Variants in KCNAB1 observed in about 807,000 individuals in gnomAD.
KCNAB1 encodes the protein potassium voltage-gated channel subfamily A regulatory beta subunit 1.
A neutral mutation model predicts 64.6 loss-of-function variants in KCNAB1; 35 were observed. The ratio of observed to expected loss-of-function variants is 0.54; its 90% CI spans 0.41 to 0.72. KCNAB1 has a LOEUF of 0.72. Ranked by LOEUF, KCNAB1 falls within the 30% of genes least tolerant of loss-of-function variation. The probability of loss-of-function intolerance (pLI) is 0.00; values close to 1 mark genes in which losing one functional copy is unlikely to be tolerated. For missense variants in KCNAB1, 401 were observed against 512.9 expected (o/e 0.78, Z 2.11); for synonymous variants, 177 against 183.8 (o/e 0.96, Z 0.30).
At chr3:156,301,081 A>G (rs1721124783) in intron 1 of KCNAB1, among the ~76,000 whole-genome samples, 2 of 152,226 alleles carry the variant, frequency 1.3e-5, no homozygotes, top group African/African-American at 4.8e-5. Context: ...ATTAGTTCAT[A>G]TCTACTGGAA....
chr3:156,267,954 T>G (rs1718816659), intron 1 of KCNAB1, among the ~76,000 whole-genome samples: 1 of 151,988 alleles, frequency 6.6e-6, no homozygotes, highest in Non-Finnish European at 1.5e-5. Flanking sequence ...GTCACCTGCT[T>G]TTGCTATAAA....
At chr3:156,172,778 A>G (rs1028400122) in intron 1 of KCNAB1, among the ~76,000 whole-genome samples, 2 of 152,212 alleles carry the variant, frequency 1.3e-5, no homozygotes, top group African/African-American at 2.4e-5. Context: ...TAGGTCCTGG[A>G]AAGTCCCAGG....
At position 156,225,884 on chromosome 3, in the gene KCNAB1, C is replaced by T. The variant is rs146861507; in HGVS notation, c.275+104998C>T. On this transcript the variant is annotated intron_variant, in intron 1 of 13. Transcript: ENST00000490337. ...TATACCTAACCAAGGACTTGAAAGA[C>T]GTCTACAAGGAAAATTACAAAACAC... is the stretch of plus-strand genomic sequence containing the variant. Among the ~76,000 whole-genome samples the T allele has an allele frequency of 2.2e-3, 329 of 152,166 alleles. 1 individual carries two copies. The highest frequency in any genetic ancestry group is 7.5e-3 in the African/African-American group (310 of 41,506).
At chr3:156,371,088 G>A (rs1224547254) in intron 1 of KCNAB1, among the ~76,000 whole-genome samples, 1 of 152,160 alleles carries the variant, frequency 6.6e-6, no homozygotes, top group Non-Finnish European at 1.5e-5. Flanking sequence ...GCCACTTCCA[G>A]ATTTTCCAGC....
intron 1 of KCNAB1, among the ~76,000 whole-genome samples, chr3:156,310,141 T>G (rs985095882): frequency 6.6e-6 from 1 of 152,170 alleles, no homozygotes; most frequent in Non-Finnish European, 1.5e-5. Flanking sequence ...GCAGTGGTCT[T>G]TCTCCCCTCA....
At chr3:156,521,056 G>T (rs189214402) in intron 11 of KCNAB1, among the ~76,000 whole-genome samples, 333 of 152,236 alleles carry the variant, frequency 2.2e-3, no homozygotes, top group Admixed American at 5.0e-3. Flanking sequence ...AAAGAAATAG[G>T]CTTTAGGAAA....
chr3:156,209,125 A>C (rs1028939407), intron 1 of KCNAB1, among the ~76,000 whole-genome samples: 6 of 152,200 alleles, frequency 3.9e-5, no homozygotes, highest in Non-Finnish European at 8.8e-5. Flanking sequence ...TCACATTTAG[A>C]GATGATGAGT....
At chr3:156,253,278 G>A (rs1400287867) in intron 1 of KCNAB1, among the ~76,000 whole-genome samples, 1 of 152,194 alleles carries the variant, frequency 6.6e-6, no homozygotes, top group Non-Finnish European at 1.5e-5. Flanking sequence ...GAAAATGGAA[G>A]TACTTCCTCT....
chr3:156,456,221 ATC>A (rs1442612669), intron 3 of KCNAB1: 2 of 152,206 alleles, frequency 1.3e-5, no homozygotes, highest in Non-Finnish European at 2.9e-5. Flanking sequence ...ATTGGGAAAC[ATC>A]TCTGTCATCA....
intron 1 of KCNAB1, among the ~76,000 whole-genome samples, chr3:156,165,783 G>T (rs1284584720): frequency 6.6e-6 from 1 of 152,048 alleles, no homozygotes; most frequent in Non-Finnish European, 1.5e-5. Flanking sequence ...AGCTCTCCTG[G>T]TTTTTCTTTT....
chr3:156,279,688 G>A (rs903748529), intron 1 of KCNAB1, among the ~76,000 whole-genome samples: 5 of 152,114 alleles, frequency 3.3e-5, no homozygotes, highest in African/African-American at 1.2e-4. Context: ...ATCTCATTGT[G>A]GTTTTGATTT....
chr3:156,195,356 G>A (rs539767895), intron 1 of KCNAB1, among the ~76,000 whole-genome samples: 11 of 152,254 alleles, frequency 7.2e-5, no homozygotes, highest in African/African-American at 2.2e-4. Flanking sequence ...TTGAGGAATC[G>A]CCACACTGTC....
chr3:156,205,398 T>C (rs576146060), intron 1 of KCNAB1, among the ~76,000 whole-genome samples: 1 of 152,302 alleles, frequency 6.6e-6, no homozygotes, highest in African/African-American at 2.4e-5. Context: ...TTGCTTTGCA[T>C]GTGTGAATTA....
At chr3:156,448,242 A>G (rs1289454729) in intron 2 of KCNAB1, among the ~76,000 whole-genome samples, 2 of 152,258 alleles carry the variant, frequency 1.3e-5, no homozygotes, top group Non-Finnish European at 2.9e-5. Flanking sequence ...CATCTTGTAA[A>G]TAACATCCCA....
intron 11 of KCNAB1, among the ~76,000 whole-genome samples, chr3:156,519,946 C>T (rs980112400): frequency 3.9e-5 from 6 of 152,188 alleles, no homozygotes; most frequent in Non-Finnish European, 8.8e-5. Context: ...TCAGGTTGTG[C>T]ACCATCTTGT....
intron 2 of KCNAB1, among the ~76,000 whole-genome samples, chr3:156,427,450 G>A (rs563185404): frequency 1.3e-5 from 2 of 152,300 alleles, no homozygotes; most frequent in South Asian, 4.1e-4. Flanking sequence ...CTCCCTGAGA[G>A]CAGGGACTGC....
chr3:156,483,431 A>T (rs1332155009), intron 8 of KCNAB1, among the ~76,000 whole-genome samples: 1 of 152,110 alleles, frequency 6.6e-6, no homozygotes. Flanking sequence ...TGTCGTATGC[A>T]TATGGATATG....
intron 1 of KCNAB1, among the ~76,000 whole-genome samples, chr3:156,342,356 GAA>G (rs1724176864): frequency 6.6e-6 from 1 of 152,196 alleles, no homozygotes; most frequent in Admixed American, 6.5e-5. Context: ...GTGCACCAAA[GAA>G]AGTGAATTTC....
intron 8 of KCNAB1, among the ~76,000 whole-genome samples, chr3:156,475,772 G>C (rs562717460): frequency 6.6e-6 from 1 of 152,072 alleles, no homozygotes; most frequent in Admixed American, 6.6e-5. Context: ...TTATAGAAGG[G>C]TTATAGTAAT....
Sources: gnomAD v4.1 joint callset for allele counts (sites outside exome capture counted in the v4.1 genomes callset) on GRCh38, gnomAD v4.1.1 for gene constraint, MANE v1.5 for transcripts, NCBI Gene and HGNC (gene_info 2026-07-23, HGNC 2026-07-21) for gene names.